DYNLT2B: variants seen among roughly 807,000 people sequenced by gnomAD.
DYNLT2B encodes dynein light chain Tctex-type 2B.
A neutral mutation model predicts 19.5 loss-of-function variants in DYNLT2B; 14 were observed. The ratio of observed to expected loss-of-function variants is 0.72; its 90% confidence interval spans 0.47 to 1.12. The LOEUF is 1.12. Ranked by LOEUF, DYNLT2B falls within the 50% of genes most tolerant of loss-of-function variation. DYNLT2B has a pLI of 0.00. For missense variants in DYNLT2B, 133 were observed against 174.7 expected, an observed-to-expected ratio of 0.76 and a Z score of 1.35; for synonymous variants, 70 against 59.7, an observed-to-expected ratio of 1.17 and a Z score of -0.79.
chr3:196,296,470 A>G (rs533134260), intron 3 of DYNLT2B, among the ~76,000 whole-genome samples: 30 of 152,356 alleles, frequency 2.0e-4, no homozygotes, highest in Middle Eastern at 3.4e-3. Context: ...AAAAAGGAGC[A>G]AACTCTGAAC....
At position 196,316,137 on chromosome 3, in the gene DYNLT2B, T is replaced by C. The variant is rs1444439235; in HGVS notation, c.208A>G (p.Thr70Ala). Reference protein sequence around the residue: ...EYSPEEMPQLTKHLSENIKDK... With the variant: ...EYSPEEMPQLAKHLSENIKDK... ...TTAATGTTTTCTGATAAATGTTTTG[T>C]AAGCTGAGGCATTTCTTCTGGAGAA... Residue 70 changes from threonine (T) to alanine (A), a missense_variant, in exon 2 of 5, where the codon ACA (threonine) becomes GCA (alanine). Physicochemically the swap from Thr to Ala is moderately conservative, Grantham distance 58. Coordinates refer to ENST00000325318, the MANE Select transcript of DYNLT2B (RefSeq NM_152773.5). 2 of 1,613,878 alleles carry C rather than the reference T, an allele frequency of 1.2e-6. No individual in the cohort carries two copies. The highest frequency in any genetic ancestry group is 3.3e-5 in the Admixed American group (2 of 59,990).
At chr3:196,310,631 T>C (rs1726614315) in intron 2 of DYNLT2B, among the ~76,000 whole-genome samples, 1 of 151,512 alleles carries the variant, frequency 6.6e-6, no homozygotes, top group African/African-American at 2.4e-5. Flanking sequence ...TTTCACCATG[T>C]TGCCCAGGCT....
At chr3:196,302,177 T>C (rs1389547902) in intron 3 of DYNLT2B, among the ~76,000 whole-genome samples, 2 of 151,944 alleles carry the variant, frequency 1.3e-5, no homozygotes, top group Non-Finnish European at 2.9e-5. Flanking sequence ...ATAAGAGACA[T>C]GTGGAATACT....
intron 1 of DYNLT2B, among the ~76,000 whole-genome samples, chr3:196,316,890 A>T (rs200445818): frequency 2.7e-5 from 2 of 74,196 alleles, no homozygotes; most frequent in Non-Finnish European, 5.5e-5. Flanking sequence ...CATTTTTTTC[A>T]GTGTGTGTGT....
At chr3:196,303,364 G>A (rs983992899) in intron 3 of DYNLT2B, among the ~76,000 whole-genome samples, 1 of 152,176 alleles carries the variant, frequency 6.6e-6, no homozygotes, top group Non-Finnish European at 1.5e-5. Context: ...CCCCTGTCAT[G>A]ATGAATCGGC....
chr3:196,310,664 G>A lies in DYNLT2B; in HGVS notation c.248-3652C>T, dbSNP rs138482078. 4.3e-3 allele frequency among the ~76,000 whole-genome samples: 658 copies of A among 151,824 alleles called. 5 individuals are homozygous for A. Among genetic ancestry groups the A allele is most frequent in the African/African-American group, 0.015 (628 of 41,392 alleles). On this transcript the variant is annotated intron_variant, in intron 2 of 4. Transcript: ENST00000325318. Reference sequence around the variant, plus strand: ...GCTGGTCTGGAACTCCTGACCTCAAGTGATCCACCTGCTTCTGCCTCCCAA... The same window carrying A: ...GCTGGTCTGGAACTCCTGACCTCAAATGATCCACCTGCTTCTGCCTCCCAA...
At chr3:196,303,886 G>A (rs1053179863) in intron 3 of DYNLT2B, among the ~76,000 whole-genome samples, 9 of 152,226 alleles carry the variant, frequency 5.9e-5, no homozygotes, top group African/African-American at 1.7e-4. Context: ...GTCCGGGTGC[G>A]GTAGATGATG....
At chr3:196,302,755 C>G (rs879814619) in intron 3 of DYNLT2B, among the ~76,000 whole-genome samples, 13 of 152,066 alleles carry the variant, frequency 8.5e-5, no homozygotes, top group Non-Finnish European at 1.3e-4. Flanking sequence ...GGAAATGAAA[C>G]CGCCTTTGCA....
chr3:196,292,310 T>C (rs1726112231), intron 4 of DYNLT2B: 1 of 152,272 alleles, frequency 6.6e-6, no homozygotes, highest in Non-Finnish European at 1.5e-5. Flanking sequence ...AGCCTGGTAA[T>C]GATGGGATTA....
intron 3 of DYNLT2B, chr3:196,296,302 C>A (rs1204468778): frequency 2.2e-6 from 1 of 464,140 alleles, no homozygotes; most frequent in Non-Finnish European, 3.9e-6. Flanking sequence ...GCCAGGTACT[C>A]TGACAGCCTC....
At chr3:196,300,996 T>C (rs148638598) in intron 3 of DYNLT2B, among the ~76,000 whole-genome samples, 254 of 151,622 alleles carry the variant, frequency 1.7e-3, no homozygotes, top group African/African-American at 6.0e-3. Flanking sequence ...GAGCCAGAGG[T>C]TGCAGTGAGC....
rs1332019216 is a variant in DYNLT2B at position 196,292,915 on chromosome 3, A to T, written c.382-1541T>A. On this transcript the variant is annotated intron_variant, in intron 4 of 4. Coordinates refer to ENST00000325318, the MANE Select transcript of DYNLT2B (RefSeq NM_152773.5). Reference sequence around the variant, plus strand: ...CTCGCCCAGGCTGGAGTGCAGTGGCACAATCTTGGCTCACTGCAACCTCCG... The same window carrying T: ...CTCGCCCAGGCTGGAGTGCAGTGGCTCAATCTTGGCTCACTGCAACCTCCG... 2.0e-5 allele frequency among the ~76,000 whole-genome samples: 3 copies of T among 152,050 alleles called. No individual in the cohort carries two copies. In the East Asian group the frequency reaches 5.8e-4, roughly 29 times the overall value.
Position 196,291,314 on chromosome 3 carries a change from T to G in DYNLT2B, c.*13A>C. ...TCATGGTCATGTCTTTTACCAGCTT[T>G]TCAAAGATTCATTCAGTAGTAGAAA... On this transcript the variant is annotated 3_prime_UTR_variant, in exon 5 of 5. Transcript: ENST00000325318. 1.2e-6 allele frequency: 2 copies of G among 1,603,664 alleles called. No homozygotes were observed. Among genetic ancestry groups the G allele is most frequent in the Non-Finnish European group, 1.7e-6 (2 of 1,176,372 alleles).
chr3:196,300,410 G>C (rs1377221689), intron 3 of DYNLT2B, among the ~76,000 whole-genome samples: 1 of 152,070 alleles, frequency 6.6e-6, no homozygotes, highest in Non-Finnish European at 1.5e-5. Context: ...GAGGTTCTTG[G>C]TTGAAAGACT....
intron 3 of DYNLT2B, among the ~76,000 whole-genome samples, chr3:196,302,322 T>C (rs1726377842): frequency 6.6e-6 from 1 of 152,108 alleles, no homozygotes; most frequent in African/African-American, 2.4e-5. Flanking sequence ...CTCCAACACA[T>C]TGAACAGGGG....
intron 2 of DYNLT2B, among the ~76,000 whole-genome samples, chr3:196,315,878 A>T (rs1726776679): frequency 6.6e-6 from 1 of 152,088 alleles, no homozygotes; most frequent in Non-Finnish European, 1.5e-5. Flanking sequence ...ATCTCAAAAA[A>T]AAGAAAAATA....
intron 2 of DYNLT2B, among the ~76,000 whole-genome samples, chr3:196,314,293 G>A (rs1407610414): frequency 6.6e-6 from 1 of 151,630 alleles, no homozygotes; most frequent in Non-Finnish European, 1.5e-5. Flanking sequence ...ATCTCTTGAG[G>A]GTCAGGAGTT....
At chr3:196,310,258 C>G (rs1010775659) in intron 2 of DYNLT2B, among the ~76,000 whole-genome samples, 2 of 146,802 alleles carry the variant, frequency 1.4e-5, no homozygotes, top group Non-Finnish European at 3.0e-5. Flanking sequence ...TGCGCCATCA[C>G]GCTCGGCTAA....
chr3:196,309,591 G>A (rs1375978554), intron 2 of DYNLT2B, among the ~76,000 whole-genome samples: 1 of 151,764 alleles, frequency 6.6e-6, no homozygotes, highest in Non-Finnish European at 1.5e-5. Context: ...AAAAAATATT[G>A]AAGAAAAGAA....
Sources: allele counts gnomAD v4.1 joint callset (sites outside exome capture counted in the v4.1 genomes callset), GRCh38; gene constraint gnomAD v4.1.1; transcripts MANE v1.5; gene names NCBI Gene and HGNC (gene_info 2026-07-23, HGNC 2026-07-21).